SETD2: variants seen among roughly 807,000 people sequenced by gnomAD.
SETD2 encodes the protein histone-lysine N-methyltransferase SETD2.
A neutral mutation model predicts 242.1 loss-of-function variants in SETD2; 31 were observed. The observed-to-expected ratio is 0.13, with a 90% CI of 0.10 to 0.17. SETD2 has a LOEUF of 0.17. Among genes scored for constraint, SETD2 ranks in the 10% least tolerant of loss-of-function variants. SETD2 has a pLI of 1.00. For missense variants in SETD2, 2,481 were observed against 3,046.3 expected, an observed-to-expected ratio of 0.81 and a Z score of 4.37; for synonymous variants, 1,006 against 1,066.5, an observed-to-expected ratio of 0.94 and a Z score of 1.11.
At chr3:47,108,274 T>C (rs1228643893) in intron 5 of SETD2, among the ~76,000 whole-genome samples, 1 of 152,148 alleles carries the variant, frequency 6.6e-6, no homozygotes, top group East Asian at 1.9e-4. Flanking sequence ...AAAAAATATT[T>C]CCAATCCCTC....
At chr3:47,033,195 C>T (rs866997677) in intron 18 of SETD2, among the ~76,000 whole-genome samples, 23 of 152,262 alleles carry the variant, frequency 1.5e-4, no homozygotes, top group Admixed American at 6.5e-4. Flanking sequence ...AGAGCTATTC[C>T]CCAAACATAT....
intron 1 of SETD2, among the ~76,000 whole-genome samples, chr3:47,163,250 A>G (rs1230203288): frequency 1.3e-5 from 2 of 152,222 alleles, no homozygotes; most frequent in Non-Finnish European, 2.9e-5. Context: ...GAAGCACTGC[A>G]AGGCCAGGAT....
chr3:47,097,388 T>G (rs9311403), intron 9 of SETD2, among the ~76,000 whole-genome samples: 2 of 151,938 alleles, frequency 1.3e-5, no homozygotes, highest in Admixed American at 6.6e-5. Flanking sequence ...CAATTGATAG[T>G]CCCTTTAGTA....
At chr3:47,125,027 T>TA (rs1296920945) in intron 2 of SETD2, among the ~76,000 whole-genome samples, 29 of 152,062 alleles carry the variant, frequency 1.9e-4, no homozygotes, top group African/African-American at 6.7e-4. Context: ...ACAGTAAAAA[T>TA]ACTCATCTGG....
chr3:47,071,589 G>A (rs564312795), intron 12 of SETD2, among the ~76,000 whole-genome samples: 1 of 151,950 alleles, frequency 6.6e-6, no homozygotes, highest in Admixed American at 6.6e-5. Context: ...TCAGGAAACA[G>A]GCTAAAGCAA....
At chr3:47,154,749 T>G (rs919582857) in intron 1 of SETD2, among the ~76,000 whole-genome samples, 7 of 151,846 alleles carry the variant, frequency 4.6e-5, no homozygotes, top group African/African-American at 1.7e-4. Context: ...ATCCCAACAC[T>G]TTGGGAGGCT....
Position 47,017,612 on chromosome 3 carries a change from T to C in SETD2, c.7533+26A>G. The C allele has an allele frequency of 3.3e-6, 5 of 1,494,992 alleles. No individual in the cohort carries two copies. The highest frequency in any genetic ancestry group is 4.7e-6 in the Non-Finnish European group (5 of 1,071,510). The allele number at this position is 1,494,992 out of a possible 1,614,324, so 92.6% of individuals were successfully genotyped here. On this transcript the variant is annotated intron_variant, in intron 20 of 20. Coordinates refer to ENST00000409792, the MANE Select transcript of SETD2 (RefSeq NM_014159.7). This position sits in a 1 kb window ranked among gnomAD's most constrained non-coding sequence, Gnocchi z 4.8. ...ACAGTTTGCCCAGAACATTGCCTGG[T>C]GGGCTACCAAAAGCAAGGGGAGTAC... is the stretch of plus-strand genomic sequence containing the variant.
intron 12 of SETD2, 59 bp from the exon 13 acceptor site, chr3:47,067,177 GA>G: frequency 8.3e-7 from 1 of 1,206,144 alleles, no homozygotes. Flanking sequence ...TGATTGCTTT[GA>G]AACTGACTGT....
intron 1 of SETD2, chr3:47,145,591 A>G (rs2043833100): frequency 1.8e-5 from 6 of 341,318 alleles, no homozygotes; most frequent in South Asian, 1.1e-4. Context: ...ACATCAGGTC[A>G]TGTGTAAAAT....
intron 4 of SETD2, 74 bp downstream of exon 4, chr3:47,116,549 T>C: frequency 5.5e-6 from 8 of 1,463,174 alleles, no homozygotes; most frequent in Non-Finnish European, 7.4e-6. Context: ...AATTTTATTC[T>C]TCATTGATAA....
chr3:47,064,847 T>C (rs557884280), intron 13 of SETD2, among the ~76,000 whole-genome samples: 1 of 150,336 alleles, frequency 6.7e-6, no homozygotes, highest in African/African-American at 2.4e-5. Context: ...ATAAGCATTT[T>C]CTTATTTTAG....
upstream of SETD2, among the ~76,000 whole-genome samples, chr3:47,164,197 G>C (rs756264629): frequency 6.6e-6 from 1 of 151,942 alleles, no homozygotes; most frequent in Admixed American, 6.5e-5. This position sits in a 1 kb window ranked among gnomAD's most constrained non-coding sequence, Gnocchi z 5.4. Flanking sequence ...AGACACACAC[G>C]GGCCACCGAT....
At chr3:47,056,674 T>C in intron 15 of SETD2, 147 bp downstream of exon 15, 1 of 657,294 alleles carries the variant, frequency 1.5e-6, no homozygotes, top group Non-Finnish European at 2.6e-6. Flanking sequence ...GTTCTGGCAA[T>C]ATTTCACACA....
chr3:47,077,520 GGT>G lies in SETD2; in HGVS notation c.6060+6198_6060+6199del, dbSNP rs1341177858. Among the ~76,000 whole-genome samples, 3 of 152,268 alleles carry G rather than the reference GGT, an allele frequency of 2.0e-5. No homozygotes were observed. In the East Asian group the frequency reaches 5.8e-4, roughly 29 times the overall value. On this transcript the variant is annotated intron_variant, in intron 12 of 20. Coordinates refer to ENST00000409792, the MANE Select transcript of SETD2 (RefSeq NM_014159.7). Reference sequence around the variant, plus strand: ...TCTCAAAAGATTCAAAGGAGGGTATGGTGTCAGATTAACAGATGGAAACAAAT... The same window carrying G: ...TCTCAAAAGATTCAAAGGAGGGTATGGTCAGATTAACAGATGGAAACAAAT...
intron 4 of SETD2, 27 bp from the exon 5 acceptor site, chr3:47,114,031 A>C: frequency 6.3e-7 from 1 of 1,595,370 alleles, no homozygotes; most frequent in African/African-American, 1.4e-5. Context: ...AGGAAATTTA[A>C]TTCTTTAAAG....
At chr3:47,107,546 A>T (rs2042475579) in intron 5 of SETD2, among the ~76,000 whole-genome samples, 1 of 152,148 alleles carries the variant, frequency 6.6e-6, no homozygotes, top group Non-Finnish European at 1.5e-5. Flanking sequence ...TAAACCTAGA[A>T]AGTCAAATTA....
In SETD2 at chr3:47,120,541, C is replaced by T. The variant is rs1336778546; in HGVS notation, c.4095G>A (p.Gly1365=). 2 of 1,614,138 alleles carry T rather than the reference C, an allele frequency of 1.2e-6. No homozygotes were observed. Among genetic ancestry groups the T allele is most frequent in the South Asian group, 1.1e-5 (1 of 91,092 alleles). Residue 1365 remains glycine, a synonymous_variant, in exon 3 of 21, where the codon GGG becomes GGA. Coordinates refer to ENST00000409792, the MANE Select transcript of SETD2 (RefSeq NM_014159.7). ...TGCTTATTTCAGGTGCTTGCACTGA[C>T]CCCTTGTCTTTCTGAAGGGATAGAA... ...KFLLSLQKDK[G]SVQAPEISSN... is the part of the protein sequence containing the mutation.
At chr3:47,137,509 A>G (rs891519083) in intron 1 of SETD2, among the ~76,000 whole-genome samples, 3 of 152,048 alleles carry the variant, frequency 2.0e-5, no homozygotes, top group South Asian at 2.1e-4. Flanking sequence ...ATTTATTACT[A>G]TAAGAGTTGG....
At chr3:47,062,412 T>C in intron 13 of SETD2, 66 bp from the exon 14 acceptor site, 2 of 1,395,182 alleles carry the variant, frequency 1.4e-6, no homozygotes, top group South Asian at 1.3e-5. Context: ...CTTTTCTCCA[T>C]CATGACAATG....
Sources: allele counts gnomAD v4.1 joint callset (sites outside exome capture counted in the v4.1 genomes callset), GRCh38; gene constraint gnomAD v4.1.1; non-coding constraint Gnocchi (gnomAD v3.1); transcripts MANE v1.5; gene names NCBI Gene and HGNC (gene_info 2026-07-23, HGNC 2026-07-21).